The following DPP6 variants were observed in gnomAD, a reference collection of about 807,000 sequenced individuals.
The protein encoded by DPP6 is A-type potassium channel modulatory protein DPP6.
A neutral mutation model predicts 122.6 loss-of-function variants in DPP6; 69 were observed. The observed-to-expected ratio is 0.56, with a 90% CI of 0.46 to 0.69. The LOEUF (loss-of-function observed/expected upper bound fraction) is 0.69, where lower values mean the gene tolerates loss of function less well. DPP6 is among the 30% of genes least tolerant of loss of function. DPP6 has a pLI of 0.00. For missense variants in DPP6, 928 were observed against 1,116.9 expected (o/e 0.83, Z 2.41); for synonymous variants, 418 against 433.1 (o/e 0.97, Z 0.43).
At chr7:154,284,456 T>C (rs992533392) in intron 1 of DPP6, among the ~76,000 whole-genome samples, 1 of 152,246 alleles carries the variant, frequency 6.6e-6, no homozygotes, top group African/African-American at 2.4e-5. Flanking sequence ...TATCAACTGA[T>C]GGATGGATCA....
At chr7:154,749,629 A>G (rs795110) in intron 8 of DPP6, among the ~76,000 whole-genome samples, 17 of 100,618 alleles carry the variant, frequency 1.7e-4, no homozygotes, top group East Asian at 6.4e-4. Flanking sequence ...GAGTGTGAGG[A>G]AGCATAGGAC....
chr7:154,460,929 A>C (rs1821244512), intron 2 of DPP6, among the ~76,000 whole-genome samples: 1 of 152,166 alleles, frequency 6.6e-6, no homozygotes, highest in Non-Finnish European at 1.5e-5. Flanking sequence ...TTATGCTATC[A>C]AATAGTAAAT....
At chr7:154,035,872 C>A (rs1274048365) in intron 1 of DPP6, among the ~76,000 whole-genome samples, 1 of 152,052 alleles carries the variant, frequency 6.6e-6, no homozygotes, top group Non-Finnish European at 1.5e-5. Flanking sequence ...GAGCAACTCT[C>A]CTTGATATTA....
At chr7:154,148,538 A>T (rs541419054) in intron 1 of DPP6, among the ~76,000 whole-genome samples, 3 of 151,154 alleles carry the variant, frequency 2.0e-5, no homozygotes, top group Non-Finnish European at 4.4e-5. Context: ...TCACAAGGAG[A>T]ATTCAGGGAT....
chr7:154,150,821 A>G (rs1585495018), intron 1 of DPP6, among the ~76,000 whole-genome samples: 4 of 152,300 alleles, frequency 2.6e-5, no homozygotes, highest in Admixed American at 2.6e-4. Context: ...TGGTGATTCA[A>G]GTTGGGAGAA....
intron 16 of DPP6, among the ~76,000 whole-genome samples, chr7:154,825,533 G>A (rs1314164674): frequency 2.0e-5 from 3 of 152,152 alleles, no homozygotes; most frequent in African/African-American, 7.2e-5. Flanking sequence ...CTTCGTCACC[G>A]ACGTGAGCAT....
intron 7 of DPP6, among the ~76,000 whole-genome samples, chr7:154,718,431 G>A (rs919158824): frequency 4.6e-5 from 7 of 151,910 alleles, no homozygotes; most frequent in African/African-American, 9.7e-5. Context: ...TTTTTAAGAG[G>A]TGAGAAATTG....
In DPP6 at chr7:154,060,416, A is replaced by T. The variant is rs1267635276; in HGVS notation, c.243+7353A>T. 2.4e-5 allele frequency among the ~76,000 whole-genome samples: 3 copies of T among 125,546 alleles called. 1 individual carries two copies. Among genetic ancestry groups the T allele is most frequent in the African/African-American group, 1.0e-4 (3 of 29,536 alleles). 82.4% of individuals were successfully genotyped at this position (125,546 alleles called of 152,430 possible). ...TTAGGACCCCCATCGCAGAGGGGGG[A>T]GGCACCCCCCGCGAGGCGGGGACTG... On this transcript the variant is annotated intron_variant, in intron 1 of 25. Transcript: ENST00000377770.
At chr7:154,385,842 G>A (rs945902876) in intron 1 of DPP6, among the ~76,000 whole-genome samples, 1 of 152,160 alleles carries the variant, frequency 6.6e-6, no homozygotes. Context: ...GTCATTGCTA[G>A]GCAGGCTGAG....
intron 16 of DPP6, among the ~76,000 whole-genome samples, chr7:154,827,084 G>A (rs976285046): frequency 6.6e-6 from 1 of 151,856 alleles, no homozygotes; most frequent in African/African-American, 2.4e-5. Flanking sequence ...TTGACAAGAA[G>A]TGTCTGAAGT....
chr7:154,675,277 A>G (rs76610827), intron 7 of DPP6, among the ~76,000 whole-genome samples: 1 of 152,192 alleles, frequency 6.6e-6, no homozygotes, highest in Admixed American at 6.5e-5. Context: ...TGATGGGTGC[A>G]GCAAGCCAAC....
rs935915176 is a variant in DPP6 at position 154,282,283 on chromosome 7, A to G, written c.244-163931A>G. On this transcript the variant is annotated intron_variant, in intron 1 of 25. Transcript: ENST00000377770. This position sits in a 1 kb window ranked among gnomAD's most constrained non-coding sequence, Gnocchi z 4.8. ...CAGGCAGTGGTTTCCCTGTTGTACA[A>G]TTCAATAGCCTGCATGCAGGGACAT... is the stretch of plus-strand genomic sequence containing the variant. 1.3e-5 allele frequency among the ~76,000 whole-genome samples: 2 copies of G among 152,086 alleles called. No individual in the cohort carries two copies. Among genetic ancestry groups the G allele is most frequent in the African/African-American group, 2.4e-5 (1 of 41,400 alleles).
At chr7:154,780,810 A>G (rs1246107162) in intron 10 of DPP6, among the ~76,000 whole-genome samples, 1 of 152,208 alleles carries the variant, frequency 6.6e-6, no homozygotes, top group Non-Finnish European at 1.5e-5. Flanking sequence ...TTGAGGAAAC[A>G]GGTTGAGTCC....
chr7:154,013,143 C>T (rs2129049375), intron 1 of DPP6, among the ~76,000 whole-genome samples: 1 of 152,340 alleles, frequency 6.6e-6, no homozygotes, highest in East Asian at 1.9e-4. Flanking sequence ...TGAGGAGCCC[C>T]CTCATGCTTC....
At chr7:153,819,578 G>T in the DPP6 span, among the ~76,000 whole-genome samples, 1 of 152,140 alleles carries the variant, frequency 6.6e-6, no homozygotes, top group South Asian at 2.1e-4. Flanking sequence ...CACAGTACAG[G>T]CTTGTTTCAG....
At chr7:153,988,282 C>T (rs1282288516) in intron 1 of DPP6, among the ~76,000 whole-genome samples, 5 of 152,072 alleles carry the variant, frequency 3.3e-5, no homozygotes, top group Non-Finnish European at 4.4e-5. Flanking sequence ...GACCAGTCCG[C>T]GGAGCTCCGG....
intron 1 of DPP6, among the ~76,000 whole-genome samples, chr7:154,170,200 C>G (rs369704155): frequency 6.6e-6 from 1 of 152,154 alleles, no homozygotes; most frequent in East Asian, 1.9e-4. Context: ...CGCAGCTGAC[C>G]CAGCAGCCTG....
Position 154,559,155 on chromosome 7 carries a change from G to A in DPP6, c.553-7687G>A, listed in dbSNP as rs10246248. 8.4e-3 allele frequency among the ~76,000 whole-genome samples: 1,246 copies of A among 148,204 alleles called. 16 individuals carry two copies. The highest frequency in any genetic ancestry group is 0.029 in the African/African-American group (1,165 of 40,294). ...TATTCCAAATGCTCAAGGCTATAAG[G>A]AAAACCATGAACATGATGATAAGAG... is the stretch of plus-strand genomic sequence containing the variant. On this transcript the variant is annotated intron_variant, in intron 4 of 25. Transcript: ENST00000377770.
intron 8 of DPP6, among the ~76,000 whole-genome samples, chr7:154,758,654 G>A (rs1198305451): frequency 1.3e-5 from 2 of 152,154 alleles, no homozygotes; most frequent in Non-Finnish European, 2.9e-5. Context: ...TTACAGGTGT[G>A]AGCCACTGCA....
Sources: allele counts gnomAD v4.1 joint callset (sites outside exome capture counted in the v4.1 genomes callset), GRCh38; gene constraint gnomAD v4.1.1; non-coding constraint Gnocchi (gnomAD v3.1); transcripts MANE v1.5; gene names NCBI Gene and HGNC (gene_info 2026-07-23, HGNC 2026-07-21).